Variants in SLMAP observed in about 807,000 individuals in gnomAD.
SLMAP encodes sarcolemma associated protein.
Under a neutral mutation model 128.8 loss-of-function variants are expected in SLMAP, and 44 were observed. That is an observed-to-expected ratio of 0.34 (90% CI 0.27 to 0.44). SLMAP has a LOEUF of 0.44. SLMAP is among the 20% of genes least tolerant of loss of function. SLMAP has a pLI of 1.00. For missense variants in SLMAP, 787 were observed against 985.3 expected (o/e 0.80, Z 2.69); for synonymous variants, 327 against 348.8 (o/e 0.94, Z 0.70).
intron 6 of SLMAP, among the ~76,000 whole-genome samples, chr3:57,853,981 ATAT>A (rs1248334672): frequency 9.5e-5 from 10 of 105,606 alleles, no homozygotes; most frequent in African/African-American, 3.9e-4. Flanking sequence ...ATATATATAT[ATAT>A]ATATATATAT....
chr3:57,757,587 G>A lies in SLMAP; in HGVS notation c.-65G>A. 6.6e-7 allele frequency: 1 copy of A among 1,509,314 alleles called. No individual in the cohort carries two copies. Among genetic ancestry groups the A allele is most frequent in the Non-Finnish European group, 9.1e-7 (1 of 1,093,362 alleles). 93.5% of individuals were successfully genotyped at this position (1,509,314 alleles called of 1,614,324 possible). A position where few individuals can be genotyped will look rare whatever the true frequency, so the allele number is the denominator to read the frequency against. ...GGATAGGGGCATAGGCTTGTGAAGG[G>A]CAGTCCGGATCCGGAGGAACTCCTC... is the stretch of plus-strand genomic sequence containing the variant. On this transcript the variant is annotated 5_prime_UTR_variant, in exon 2 of 25. Coordinates refer to ENST00000671191, the MANE Select transcript of SLMAP (RefSeq NM_001377540.1).
In SLMAP at chr3:57,917,003, C is replaced by T. The variant is rs1302965554; in HGVS notation, c.2236C>T (p.His746Tyr). 1.2e-6 allele frequency: 2 copies of T among 1,613,782 alleles called. No individual in the cohort carries two copies. The highest frequency in any genetic ancestry group is 2.7e-5 in the African/African-American group (2 of 74,894). Reference sequence around the variant, plus strand: ...TCAAGTGGGATCCTTGAAAGAACAGCATCTTCGGGATTCAGCTGATTTAAA... The same window carrying T: ...TCAAGTGGGATCCTTGAAAGAACAGTATCTTCGGGATTCAGCTGATTTAAA... ...ENQVGSLKEQ[H>Y]LRDSADLKTL... is the part of the protein sequence containing the mutation. The change falls in exon 22 of 25, where the codon CAT (histidine) becomes TAT (tyrosine). Residue 746 changes from histidine (H) to tyrosine (Y), a missense_variant. Transcript: ENST00000671191.
intron 2 of SLMAP, among the ~76,000 whole-genome samples, chr3:57,811,248 T>G (rs528508072): frequency 1.3e-5 from 2 of 152,280 alleles, no homozygotes; most frequent in East Asian, 3.9e-4. Context: ...TCTCCATTTT[T>G]TCCTCCCTCC....
chr3:57,900,054 C>T (rs1231148556), intron 17 of SLMAP: 1 of 152,164 alleles, frequency 6.6e-6, no homozygotes, highest in Non-Finnish European at 1.5e-5. Flanking sequence ...ATAATTTTCT[C>T]TTAAAAGTAT....
chr3:57,777,035 T>A (rs2082085262), intron 2 of SLMAP, among the ~76,000 whole-genome samples: 1 of 147,120 alleles, frequency 6.8e-6, no homozygotes, highest in Non-Finnish European at 1.5e-5. Context: ...TTAAAAAAAA[T>A]TATTGCCAAC....
At position 57,767,763 on chromosome 3, in the gene SLMAP, T is replaced by A. The variant is rs1486358665; in HGVS notation, c.198+9914T>A. On this transcript the variant is annotated intron_variant, in intron 2 of 24. Coordinates refer to ENST00000671191, the MANE Select transcript of SLMAP (RefSeq NM_001377540.1). Reference sequence around the variant, plus strand: ...ATCATCTAGTGGTAACTATGGGAGTTTTTTTCCCCCCAAAATGAAAGCCAA... The same window carrying A: ...ATCATCTAGTGGTAACTATGGGAGTATTTTTCCCCCCAAAATGAAAGCCAA... Among the ~76,000 whole-genome samples the A allele has an allele frequency of 2.6e-5, 4 of 152,112 alleles. No homozygotes were observed. In the East Asian group the frequency reaches 7.7e-4, roughly 29 times the overall value.
chr3:57,757,377 T>G lies in SLMAP; in HGVS notation c.-275T>G. 1 of 508,326 alleles carries G rather than the reference T, an allele frequency of 2.0e-6. No individual in the cohort carries two copies. The highest frequency in any genetic ancestry group is 3.6e-6 in the Non-Finnish European group (1 of 280,940). 31.5% of individuals were successfully genotyped at this position (508,326 alleles called of 1,614,324 possible). A position where few individuals can be genotyped will look rare whatever the true frequency, so the allele number is the denominator to read the frequency against. ...GAAGCTGCCCGATGTTTGAGCCTTT[T>G]CTTCCCAGAGAAGAAGATGGACTGA... On this transcript the variant is annotated 5_prime_UTR_variant, in exon 2 of 25. Coordinates refer to ENST00000671191, the MANE Select transcript of SLMAP (RefSeq NM_001377540.1).
At chr3:57,776,016 A>T (rs575641930) in intron 2 of SLMAP, among the ~76,000 whole-genome samples, 66 of 152,316 alleles carry the variant, frequency 4.3e-4, no homozygotes, top group Middle Eastern at 3.4e-3. Context: ...TAAATAATTT[A>T]AAAAAATTAA....
chr3:57,766,193 T>C (rs2079685562), intron 2 of SLMAP, among the ~76,000 whole-genome samples: 1 of 144,582 alleles, frequency 6.9e-6, no homozygotes, highest in East Asian at 2.0e-4. Context: ...TTTTTTTGTA[T>C]TTTTAGTAGA....
chr3:57,918,356 G>A (rs1159165467), intron 22 of SLMAP: 1 of 152,210 alleles, frequency 6.6e-6, no homozygotes, highest in Non-Finnish European at 1.5e-5. Flanking sequence ...TTGTTTGCCT[G>A]TTTTTGGTCA....
At chr3:57,772,107 A>G (rs2081012554) in intron 2 of SLMAP, among the ~76,000 whole-genome samples, 1 of 152,230 alleles carries the variant, frequency 6.6e-6, no homozygotes, top group South Asian at 2.1e-4. Context: ...GAATTAAGGA[A>G]GAATTAAGAG....
chr3:57,776,973 G>C (rs1008119633), intron 2 of SLMAP, among the ~76,000 whole-genome samples: 13 of 151,984 alleles, frequency 8.6e-5, no homozygotes, highest in African/African-American at 3.1e-4. Context: ...AATAGACTAT[G>C]CTACCTTGTG....
At chr3:57,887,755 G>C (rs1010532665) in intron 14 of SLMAP, among the ~76,000 whole-genome samples, 1 of 152,058 alleles carries the variant, frequency 6.6e-6, no homozygotes, top group African/African-American at 2.4e-5. Context: ...TCAGTCCTAT[G>C]AATCTTCCTC....
chr3:57,913,510 A>G (rs2096742935), intron 21 of SLMAP, among the ~76,000 whole-genome samples: 1 of 152,152 alleles, frequency 6.6e-6, no homozygotes, highest in Admixed American at 6.5e-5. Flanking sequence ...CAGATTCATT[A>G]AATGTCCCAA....
At chr3:57,820,870 G>C (rs926290110) in intron 2 of SLMAP, among the ~76,000 whole-genome samples, 8 of 152,088 alleles carry the variant, frequency 5.3e-5, no homozygotes, top group Non-Finnish European at 7.4e-5. Context: ...CCTACTGCCT[G>C]GTGAATATTG....
intron 14 of SLMAP, among the ~76,000 whole-genome samples, chr3:57,886,514 A>G (rs780120703): frequency 1.1e-4 from 16 of 152,126 alleles, no homozygotes; most frequent in Non-Finnish European, 1.9e-4. Context: ...AGATTTTTAA[A>G]AACTGTAGGA....
chr3:57,780,274 G>A (rs1258148949), intron 2 of SLMAP, among the ~76,000 whole-genome samples: 1 of 151,888 alleles, frequency 6.6e-6, no homozygotes, highest in Non-Finnish European at 1.5e-5. Context: ...GGTCTCCCGA[G>A]TAGCTGGAAC....
chr3:57,775,180 A>T (rs1255359406), intron 2 of SLMAP, among the ~76,000 whole-genome samples: 1 of 147,684 alleles, frequency 6.8e-6, no homozygotes, highest in African/African-American at 2.5e-5. Context: ...TCAGCCCCCG[A>T]GTAGCTGGGA....
chr3:57,910,560 T>A (rs1322506343), intron 19 of SLMAP, among the ~76,000 whole-genome samples: 2 of 152,200 alleles, frequency 1.3e-5, no homozygotes, highest in East Asian at 3.8e-4. Flanking sequence ...GTTCTTCTTA[T>A]CACCATTTTG....
Sources: gnomAD v4.1 joint callset for allele counts (sites outside exome capture counted in the v4.1 genomes callset) on GRCh38, gnomAD v4.1.1 for gene constraint, MANE v1.5 for transcripts, NCBI Gene and HGNC (gene_info 2026-07-23, HGNC 2026-07-21) for gene names.